Variants in ICA1L observed in about 807,000 individuals in gnomAD.
The protein encoded by ICA1L is islet cell autoantigen 1 like, also known as islet cell autoantigen 1-like protein.
In ICA1L, 50 loss-of-function variants were observed where a neutral mutation model predicts 61.3. The observed-to-expected ratio is 0.82, with a 90% CI of 0.65 to 1.03. The LOEUF is 1.03. Among genes scored for constraint, ICA1L ranks in the 50% least tolerant of loss-of-function variants. ICA1L has a pLI of 0.00. For synonymous variants in ICA1L, 161 were observed against 191.3 expected (o/e 0.84, Z 1.31); for missense variants, 508 against 556.7 (o/e 0.91, Z 0.88).
chr2:202,791,911 T>C (rs902915957), intron 10 of ICA1L, among the ~76,000 whole-genome samples: 2 of 151,866 alleles, frequency 1.3e-5, no homozygotes, highest in South Asian at 2.1e-4. Context: ...CTCATGTCTG[T>C]AATCCCAGCA....
In ICA1L at chr2:202,773,825, T is replaced by G; in HGVS notation, c.*5708A>C. 1.4e-6 allele frequency: 2 copies of G among 1,382,364 alleles called. No individual in the cohort carries two copies. The highest frequency in any genetic ancestry group is 2.1e-6 in the Non-Finnish European group (2 of 971,836). The allele number at this position is 1,382,364 out of a possible 1,614,324, so 85.6% of individuals were successfully genotyped here. A position where few individuals can be genotyped will look rare whatever the true frequency, so the allele number is the denominator to read the frequency against. On this transcript the variant is annotated 3_prime_UTR_variant, in exon 13 of 13. Coordinates refer to ENST00000358299, the MANE Select transcript of ICA1L (RefSeq NM_001288622.3). ...GCAGGCTGTAAAAGCAAAGGCTAGCTGTGCAAGTGCAGCCCTGTGGGAAGT... is the reference window on the plus strand; with the variant it reads ...GCAGGCTGTAAAAGCAAAGGCTAGCGGTGCAAGTGCAGCCCTGTGGGAAGT...
At chr2:202,808,705 G>A (rs1693294551) in intron 9 of ICA1L, among the ~76,000 whole-genome samples, 1 of 152,132 alleles carries the variant, frequency 6.6e-6, no homozygotes, top group African/African-American at 2.4e-5. Context: ...GGGAAGTAAG[G>A]GAAAAGAACA....
intron 5 of ICA1L, 142 bp from the exon 6 acceptor site, chr2:202,817,685 CATT>C: frequency 2.3e-6 from 1 of 433,976 alleles, no homozygotes; most frequent in Non-Finnish European, 3.8e-6. Flanking sequence ...TTCCCTGTAT[CATT>C]AATATTTCAT....
At chr2:202,840,459 T>C (rs995024587) in intron 1 of ICA1L, 9 of 501,468 alleles carry the variant, frequency 1.8e-5, no homozygotes, top group African/African-American at 1.7e-4. Context: ...GAGCCAAAGC[T>C]GGAGCCGAGG....
chr2:202,834,618 ACT>A (rs1284138573), intron 1 of ICA1L, among the ~76,000 whole-genome samples: 1 of 152,062 alleles, frequency 6.6e-6, no homozygotes, highest in African/African-American at 2.4e-5. Context: ...ACAGAGCCAG[ACT>A]CTGTCTCAAA....
rs777028717 is a variant in ICA1L, at chr2:202,778,553, TATGAG to T, written c.*975_*979del. 4.6e-5 allele frequency: 7 copies of T among 152,188 alleles called. No individual in the cohort carries two copies. The highest frequency in any genetic ancestry group is 1.7e-4 in the African/African-American group (7 of 41,452). The allele number at this position is 152,188 out of a possible 1,614,324, so 9.4% of individuals were successfully genotyped here. Reference sequence around the variant, plus strand: ...TGGGTTAAATAATTATGTCACAAAATATGAGATAAGTATGCAAATATATGTAAGGA... The same window carrying T: ...TGGGTTAAATAATTATGTCACAAAATATAAGTATGCAAATATATGTAAGGA... On this transcript the variant is annotated 3_prime_UTR_variant, in exon 13 of 13. Transcript: ENST00000358299.
chr2:202,785,416 GTTTCTT>G (rs1559126137), intron 12 of ICA1L, among the ~76,000 whole-genome samples: 1 of 151,876 alleles, frequency 6.6e-6, no homozygotes, highest in Non-Finnish European at 1.5e-5. Context: ...CAAGCTCACA[GTTTCTT>G]TCTTTCTTTT....
chr2:202,832,821 AC>A (rs1694050746), intron 1 of ICA1L, among the ~76,000 whole-genome samples: 1 of 152,084 alleles, frequency 6.6e-6, no homozygotes, highest in Non-Finnish European at 1.5e-5. Context: ...TTAAGAGCAA[AC>A]TGAAGATGGC....
chr2:202,783,197 T>C (rs1692466861), intron 12 of ICA1L, among the ~76,000 whole-genome samples: 1 of 152,228 alleles, frequency 6.6e-6, no homozygotes, highest in South Asian at 2.1e-4. Context: ...GTAATAAATA[T>C]TTCATGGAAG....
chr2:202,870,302 T>C (rs1687659731), intron 1 of ICA1L, among the ~76,000 whole-genome samples: 2 of 152,196 alleles, frequency 1.3e-5, no homozygotes. Context: ...CCAGTTCTCA[T>C]ATTTGCAATT....
intron 8 of ICA1L, among the ~76,000 whole-genome samples, chr2:202,812,197 G>C (rs891412796): frequency 3.9e-5 from 6 of 152,214 alleles, no homozygotes; most frequent in Non-Finnish European, 7.3e-5. Context: ...AGTGATGTTT[G>C]CAAGACACGT....
At chr2:202,806,783 C>T (rs1693240439) in intron 9 of ICA1L, among the ~76,000 whole-genome samples, 1 of 152,084 alleles carries the variant, frequency 6.6e-6, no homozygotes, top group Non-Finnish European at 1.5e-5. Flanking sequence ...ATAAATAACT[C>T]CTATTTCAGA....
chr2:202,839,019 C>A (rs1436377399), intron 1 of ICA1L, among the ~76,000 whole-genome samples: 1 of 152,186 alleles, frequency 6.6e-6, no homozygotes, highest in African/African-American at 2.4e-5. Flanking sequence ...GATCCAAACA[C>A]CTCTCACCAG....
rs542672849 is a variant in ICA1L, at chr2:202,840,720, C to T, written c.-7-11704G>A. On this transcript the variant is annotated intron_variant, in intron 1 of 12. Coordinates refer to ENST00000358299, the MANE Select transcript of ICA1L (RefSeq NM_001288622.3). The stretch of plus-strand genomic sequence containing the variant: ...GCCCGCTGCAGGGCAGCCTCCAGCT[C>T]GGAGAGCTTGGCATTGGCATCCTTA... 9.8e-5 allele frequency: 59 copies of T among 599,356 alleles called. 1 individual carries two copies. The highest frequency in any genetic ancestry group is 7.2e-4 in the South Asian group (50 of 69,756). The allele number at this position is 599,356 out of a possible 1,614,324, so 37.1% of individuals were successfully genotyped here.
In ICA1L at chr2:202,776,827, A is replaced by AT. The variant is rs1692237503; in HGVS notation, c.*2705dup. 6.6e-6 allele frequency: 1 copy of AT among 152,156 alleles called. No homozygotes were observed. Among genetic ancestry groups the AT allele is most frequent in the South Asian group, 2.1e-4 (1 of 4,834 alleles). 9.4% of individuals were successfully genotyped at this position (152,156 alleles called of 1,614,324 possible). ...TAACAGAATAATAAAAGTCCCTTGT[A>AT]TGTCTCCATTTCGGGAGAACTTTTG... On this transcript the variant is annotated 3_prime_UTR_variant, in exon 13 of 13. Coordinates refer to ENST00000358299, the MANE Select transcript of ICA1L (RefSeq NM_001288622.3).
rs898567003 is a variant in ICA1L at position 202,820,461 on chromosome 2, T to G, written c.360-562A>C. Reference sequence around the variant, plus strand: ...GCAATACTTTGGAAGTTATTCCATGTATAAATAACCTGCCAAGTAAATCTG... The same window carrying G: ...GCAATACTTTGGAAGTTATTCCATGGATAAATAACCTGCCAAGTAAATCTG... On this transcript the variant is annotated intron_variant, in intron 4 of 12. Coordinates refer to ENST00000358299, the MANE Select transcript of ICA1L (RefSeq NM_001288622.3). Among the ~76,000 whole-genome samples, 12 of 152,186 alleles carry G rather than the reference T, an allele frequency of 7.9e-5. No individual in the cohort carries two copies. In the East Asian group the frequency reaches 2.1e-3, roughly 27 times the overall value.
chr2:202,825,859 A>G, intron 2 of ICA1L, 92 bp from the exon 3 acceptor site: 4 of 683,876 alleles, frequency 5.8e-6, no homozygotes, highest in Non-Finnish European at 6.6e-6. Flanking sequence ...TCTTCTAAGT[A>G]TTATGTCTGT....
chr2:202,859,392 T>C (rs763431317), intron 1 of ICA1L, among the ~76,000 whole-genome samples: 5 of 152,200 alleles, frequency 3.3e-5, no homozygotes, highest in Admixed American at 6.6e-5. Flanking sequence ...CTATAACTCA[T>C]GCAGAACAAA....
chr2:202,859,109 T>C (rs1044530193), intron 1 of ICA1L, among the ~76,000 whole-genome samples: 1 of 152,148 alleles, frequency 6.6e-6, no homozygotes, highest in Non-Finnish European at 1.5e-5. Context: ...CTTTCATGGA[T>C]GGAGATGAAA....
Sources: gnomAD v4.1 joint callset for allele counts (sites outside exome capture counted in the v4.1 genomes callset) on GRCh38, gnomAD v4.1.1 for gene constraint, MANE v1.5 for transcripts, NCBI Gene and HGNC (gene_info 2026-07-23, HGNC 2026-07-21) for gene names.